The following KLHL1 variants were observed in gnomAD, a reference collection of about 807,000 sequenced individuals.
The protein encoded by KLHL1 is kelch-like protein 1.
Under a neutral mutation model 77.7 loss-of-function variants are expected in KLHL1, and 47 were observed. That is an observed-to-expected ratio of 0.60 (90% CI 0.48 to 0.77). The LOEUF is 0.77. Among genes scored for constraint, KLHL1 ranks in the 30% least tolerant of loss-of-function variants. The pLI is 0.00. For missense variants in KLHL1, 925 were observed against 910.8 expected (o/e 1.02, Z -0.20); for synonymous variants, 360 against 325.2 (o/e 1.11, Z -1.15).
intron 6 of KLHL1, among the ~76,000 whole-genome samples, chr13:69,824,969 C>G (rs1204367368): frequency 6.6e-6 from 1 of 151,930 alleles, no homozygotes; most frequent in Non-Finnish European, 1.5e-5. Flanking sequence ...TGTTTAGGAT[C>G]AAGTTCATTC....
Position 70,059,601 on chromosome 13 carries a change from C to G in KLHL1, c.497+47602G>C, listed in dbSNP as rs190429670. 2.0e-5 allele frequency among the ~76,000 whole-genome samples: 3 copies of G among 152,300 alleles called. No homozygotes were observed. In the East Asian group the frequency reaches 5.8e-4, roughly 29 times the overall value. ...ATCTACAAAATTAAGAGACAAACCA[C>G]AGAATGGGAGAAAATATTTGCAAAT... On this transcript the variant is annotated intron_variant, in intron 1 of 10. Transcript: ENST00000377844.
chr13:69,721,079 A>ATATATATATATATATAT (rs1555300737), intron 8 of KLHL1, among the ~76,000 whole-genome samples: 63 of 67,616 alleles, frequency 9.3e-4, no homozygotes, highest in Middle Eastern at 6.4e-3. Context: ...ATATATATAT[A>ATATATATATATATATAT]AAGCTATGTA....
intron 1 of KLHL1, among the ~76,000 whole-genome samples, chr13:70,047,080 A>G (rs934587171): frequency 6.6e-6 from 1 of 152,166 alleles, no homozygotes; most frequent in Non-Finnish European, 1.5e-5. Context: ...CCTTGCAACC[A>G]AACCCAACAG....
intron 1 of KLHL1, among the ~76,000 whole-genome samples, chr13:69,993,080 C>A (rs1376878938): frequency 6.6e-6 from 1 of 151,892 alleles, no homozygotes; most frequent in African/African-American, 2.4e-5. Context: ...CCTATATATA[C>A]ATATATAATT....
At chr13:69,796,423 A>G (rs1877109681) in intron 7 of KLHL1, among the ~76,000 whole-genome samples, 1 of 152,054 alleles carries the variant, frequency 6.6e-6, no homozygotes, top group Non-Finnish European at 1.5e-5. Context: ...AGTTCCCTCA[A>G]GAGCTGGTTG....
At chr13:70,042,907 C>A (rs1014265120) in intron 1 of KLHL1, among the ~76,000 whole-genome samples, 1 of 152,016 alleles carries the variant, frequency 6.6e-6, no homozygotes, top group African/African-American at 2.4e-5. Flanking sequence ...GATGATCTTG[C>A]CCTTGTGTAT....
At chr13:70,062,235 C>T (rs1886908702) in intron 1 of KLHL1, among the ~76,000 whole-genome samples, 1 of 151,992 alleles carries the variant, frequency 6.6e-6, no homozygotes, top group South Asian at 2.1e-4. Context: ...ATCTTGAGCT[C>T]ATGAGAAATT....
intron 5 of KLHL1, among the ~76,000 whole-genome samples, chr13:69,852,103 G>T (rs1879712949): frequency 6.6e-6 from 1 of 151,788 alleles, no homozygotes; most frequent in Admixed American, 6.6e-5. Context: ...ATAAGAAATT[G>T]CTCTGAATTA....
chr13:70,076,564 T>C (rs181322297), intron 1 of KLHL1, among the ~76,000 whole-genome samples: 127 of 151,606 alleles, frequency 8.4e-4, no homozygotes, highest in Non-Finnish European at 9.1e-4. Flanking sequence ...GGTTTGACAA[T>C]GTGACAATGA....
intron 1 of KLHL1, among the ~76,000 whole-genome samples, chr13:70,101,925 AAC>A (rs1393158518): frequency 6.6e-6 from 1 of 150,668 alleles, no homozygotes; most frequent in African/African-American, 2.5e-5. Context: ...TAAACTATGT[AAC>A]ACAGAAACCT....
chr13:69,907,225 C>T (rs1410580551), intron 4 of KLHL1, among the ~76,000 whole-genome samples: 1 of 151,842 alleles, frequency 6.6e-6, no homozygotes, highest in African/African-American at 2.4e-5. Context: ...GACCTTTAGG[C>T]GTATTAAATA....
At chr13:69,912,535 T>C (rs1319260757) in intron 4 of KLHL1, among the ~76,000 whole-genome samples, 1 of 152,246 alleles carries the variant, frequency 6.6e-6, no homozygotes, top group Non-Finnish European at 1.5e-5. Context: ...CACTGAATTC[T>C]ACTTTTTCAG....
chr13:70,029,663 A>G (rs977111890), intron 1 of KLHL1, among the ~76,000 whole-genome samples: 3 of 152,244 alleles, frequency 2.0e-5, no homozygotes, highest in Non-Finnish European at 4.4e-5. Context: ...CAAATCGTAA[A>G]GACCATCGAT....
chr13:69,730,723 G>T (rs1043315880), intron 8 of KLHL1, among the ~76,000 whole-genome samples: 2 of 151,878 alleles, frequency 1.3e-5, no homozygotes, highest in East Asian at 3.9e-4. Context: ...TTAACTACAG[G>T]AGCATGCCAC....
chr13:70,082,035 G>T (rs2052408260), intron 1 of KLHL1, among the ~76,000 whole-genome samples: 1 of 152,048 alleles, frequency 6.6e-6, no homozygotes, highest in Admixed American at 6.5e-5. Flanking sequence ...CAGGAGGTCA[G>T]GTTGTTTAAA....
At chr13:69,936,962 C>T (rs376680284) in intron 4 of KLHL1, among the ~76,000 whole-genome samples, 5 of 152,214 alleles carry the variant, frequency 3.3e-5, no homozygotes, top group Admixed American at 6.5e-5. Flanking sequence ...TGCAACTGCC[C>T]GTGGAGAATA....
intron 7 of KLHL1, among the ~76,000 whole-genome samples, chr13:69,743,492 G>A (rs1477620391): frequency 6.6e-6 from 1 of 152,052 alleles, no homozygotes. Context: ...TGAATAGAAA[G>A]AACAAATCAG....
chr13:69,725,996 C>T (rs910625685), intron 8 of KLHL1, among the ~76,000 whole-genome samples: 3 of 152,096 alleles, frequency 2.0e-5, no homozygotes, highest in Non-Finnish European at 4.4e-5. Context: ...GTTGTGTCTC[C>T]ACTAGAAAGT....
intron 1 of KLHL1, among the ~76,000 whole-genome samples, chr13:69,988,329 GTA>G (rs1476290635): frequency 7.2e-5 from 11 of 152,082 alleles, no homozygotes; most frequent in Admixed American, 7.2e-4. Context: ...ATTAAATGGT[GTA>G]TATGTACCAC....
Sources: allele counts gnomAD v4.1 joint callset (sites outside exome capture counted in the v4.1 genomes callset), GRCh38; gene constraint gnomAD v4.1.1; transcripts MANE v1.5; gene names NCBI Gene and HGNC (gene_info 2026-07-23, HGNC 2026-07-21).